Variants in NRG3 observed in about 807,000 individuals in gnomAD.
The protein encoded by NRG3 is neuregulin 3, also known as pro-neuregulin-3, membrane-bound isoform.
NRG3 carries 31 observed loss-of-function variants against 66.9 expected under a neutral mutation model. The ratio of observed to expected loss-of-function variants is 0.46; its 90% CI spans 0.35 to 0.63. The LOEUF (loss-of-function observed/expected upper bound fraction) is 0.63, where lower values mean the gene tolerates loss of function less well. Among genes scored for constraint, NRG3 ranks in the 20% least tolerant of loss-of-function variants. The pLI is 0.00. For missense variants in NRG3, 910 were observed against 878.9 expected, an observed-to-expected ratio of 1.04 and a Z score of -0.45; for synonymous variants, 393 against 359.4, an observed-to-expected ratio of 1.09 and a Z score of -1.06.
At chr10:82,104,482 T>TA (rs1273664779) in intron 1 of NRG3, among the ~76,000 whole-genome samples, 3 of 152,106 alleles carry the variant, frequency 2.0e-5, no homozygotes, top group Non-Finnish European at 2.9e-5. Flanking sequence ...GTAAAATTTG[T>TA]AAAAAAATCA....
chr10:82,218,549 C>A (rs922964027), intron 1 of NRG3, among the ~76,000 whole-genome samples: 1 of 152,112 alleles, frequency 6.6e-6, no homozygotes, highest in Non-Finnish European at 1.5e-5. Flanking sequence ...TCTTTGAACT[C>A]AGAACTCTCC....
chr10:82,916,601 T>A (rs981459750), intron 4 of NRG3, among the ~76,000 whole-genome samples: 1 of 151,838 alleles, frequency 6.6e-6, no homozygotes, highest in South Asian at 2.1e-4. Flanking sequence ...TTAAGTACAA[T>A]TGTACAGTAT....
intron 1 of NRG3, among the ~76,000 whole-genome samples, chr10:82,186,634 T>C (rs1166340724): frequency 6.6e-6 from 1 of 152,172 alleles, no homozygotes; most frequent in Non-Finnish European, 1.5e-5. Flanking sequence ...TAAATGCAGA[T>C]AGGTGACAAG....
At chr10:82,209,107 C>T (rs2075272433) in intron 1 of NRG3, among the ~76,000 whole-genome samples, 1 of 152,150 alleles carries the variant, frequency 6.6e-6, no homozygotes, top group Admixed American at 6.6e-5. Context: ...CTAACATCTT[C>T]AAGGAATCTG....
intron 4 of NRG3, among the ~76,000 whole-genome samples, chr10:82,911,527 G>A (rs1205062364): frequency 1.3e-5 from 2 of 151,446 alleles, no homozygotes; most frequent in East Asian, 1.9e-4. Context: ...AAATTTGTGG[G>A]CATACACTTG....
At chr10:82,245,008 G>T (rs919733517) in intron 1 of NRG3, among the ~76,000 whole-genome samples, 1 of 152,106 alleles carries the variant, frequency 6.6e-6, no homozygotes. Flanking sequence ...AGGATTACAG[G>T]TGTGAGCCAC....
At chr10:82,234,825 A>G (rs780814898) in intron 1 of NRG3, among the ~76,000 whole-genome samples, 1 of 152,012 alleles carries the variant, frequency 6.6e-6, no homozygotes, top group Non-Finnish European at 1.5e-5. Flanking sequence ...GGCTGTCTAC[A>G]CTCCACCTTA....
chr10:82,740,369 C>T (rs2058364342), intron 3 of NRG3, among the ~76,000 whole-genome samples: 1 of 152,076 alleles, frequency 6.6e-6, no homozygotes, highest in African/African-American at 2.4e-5. Context: ...CCTCTTTAAA[C>T]AATCTAATCA....
intron 1 of NRG3, among the ~76,000 whole-genome samples, chr10:81,965,304 T>G (rs898742253): frequency 2.0e-5 from 3 of 152,234 alleles, no homozygotes; most frequent in Non-Finnish European, 4.4e-5. Flanking sequence ...TTCTATCTAC[T>G]ACTTATTAGA....
At chr10:82,766,055 A>T (rs899620112) in intron 3 of NRG3, among the ~76,000 whole-genome samples, 7 of 152,152 alleles carry the variant, frequency 4.6e-5, no homozygotes, top group Admixed American at 1.3e-4. Flanking sequence ...CTCTTTTTAA[A>T]TGCTCTTTTG....
At chr10:82,802,662 A>G (rs572217618) in intron 3 of NRG3, among the ~76,000 whole-genome samples, 1 of 151,698 alleles carries the variant, frequency 6.6e-6, no homozygotes, top group Non-Finnish European at 1.5e-5. Context: ...TATTTTTTTT[A>G]AATTTTTTGA....
At chr10:82,689,814 G>A (rs1401913735) in intron 2 of NRG3, among the ~76,000 whole-genome samples, 3 of 152,260 alleles carry the variant, frequency 2.0e-5, no homozygotes, top group African/African-American at 7.2e-5. Context: ...ATCAGATATG[G>A]TTGAGCACTA....
At chr10:82,523,969 TGTTTTCCCTTAAA>T (rs1028649019) in intron 2 of NRG3, among the ~76,000 whole-genome samples, 2 of 152,084 alleles carry the variant, frequency 1.3e-5, no homozygotes, top group Non-Finnish European at 2.9e-5. Flanking sequence ...AAGAAGATCT[TGTTTTCCCTTAAA>T]GTTTTCCCTT....
At chr10:82,958,916 C>T in intron 5 of NRG3, 33 bp from the exon 6 acceptor site, 2 of 1,513,782 alleles carry the variant, frequency 1.3e-6, no homozygotes, top group Non-Finnish European at 1.8e-6. Flanking sequence ...TAAAGTCATG[C>T]AAATATTTGT....
At position 82,953,977 on chromosome 10, in the gene NRG3, A is replaced by T. The variant is rs182466348; in HGVS notation, c.1157+2406A>T. On this transcript the variant is annotated intron_variant, in intron 5 of 8. Transcript: ENST00000372141. ...AGTCTCAAAAAAAAAAAAACAATGC[A>T]ATCACAGTGTAAAGGGCATAGCAAA... is the stretch of plus-strand genomic sequence containing the variant. Among the ~76,000 whole-genome samples the T allele has an allele frequency of 2.0e-4, 30 of 150,832 alleles. No homozygotes were observed. In the East Asian group the frequency reaches 2.3e-3, roughly 12 times the overall value.
At chr10:81,999,446 C>T (rs567108195) in intron 1 of NRG3, among the ~76,000 whole-genome samples, 12 of 152,238 alleles carry the variant, frequency 7.9e-5, no homozygotes, top group African/African-American at 2.6e-4. Context: ...AAAATTAATA[C>T]AACATGGCTA....
At chr10:82,810,717 C>T (rs2061455310) in intron 3 of NRG3, among the ~76,000 whole-genome samples, 2 of 144,968 alleles carry the variant, frequency 1.4e-5, no homozygotes, top group South Asian at 4.4e-4. Flanking sequence ...GAGCCAAGAT[C>T]GCACCACTGC....
At chr10:82,260,491 A>G in intron 1 of NRG3, among the ~76,000 whole-genome samples, 1 of 152,194 alleles carries the variant, frequency 6.6e-6, no homozygotes, top group Non-Finnish European at 1.5e-5. Flanking sequence ...GGGAAATAAC[A>G]TGACAATGAC....
At chr10:82,155,127 C>A (rs2071092494) in intron 1 of NRG3, among the ~76,000 whole-genome samples, 1 of 151,706 alleles carries the variant, frequency 6.6e-6, no homozygotes, top group Non-Finnish European at 1.5e-5. Context: ...GACTCTGATA[C>A]AAAACGATTT....
Sources: allele counts gnomAD v4.1 joint callset (sites outside exome capture counted in the v4.1 genomes callset), GRCh38; gene constraint gnomAD v4.1.1; transcripts MANE v1.5; gene names NCBI Gene and HGNC (gene_info 2026-07-23, HGNC 2026-07-21).